Variants in GPAM observed in about 807,000 individuals in gnomAD.
GPAM encodes the protein glycerol-3-phosphate acyltransferase, mitochondrial.
In GPAM, 56 loss-of-function variants were observed where a neutral mutation model predicts 105.0. The ratio of observed to expected loss-of-function variants is 0.53; its 90% confidence interval spans 0.43 to 0.67. The LOEUF (loss-of-function observed/expected upper bound fraction) is 0.67. Among genes scored for constraint, GPAM ranks in the 30% least tolerant of loss-of-function variants. The pLI, the probability that GPAM is intolerant of heterozygous loss-of-function variation, is 0.00. For missense variants in GPAM, 855 were observed against 989.8 expected, an observed-to-expected ratio of 0.86 and a Z score of 1.83; for synonymous variants, 368 against 354.4, an observed-to-expected ratio of 1.04 and a Z score of -0.43.
intron 1 of GPAM, among the ~76,000 whole-genome samples, chr10:112,203,141 ACACT>A (rs887457910): frequency 2.0e-5 from 3 of 152,276 alleles, no homozygotes; most frequent in Middle Eastern, 3.4e-3. Flanking sequence ...AAGCAGTGAA[ACACT>A]CAGTCTCCTC....
intron 8 of GPAM, 47 bp downstream of exon 8, chr10:112,172,923 C>A: frequency 1.0e-6 from 1 of 1,002,402 alleles, no homozygotes; most frequent in East Asian, 2.4e-5. Context: ...TAAAACCACT[C>A]TACAATTGAG....
intron 14 of GPAM, among the ~76,000 whole-genome samples, chr10:112,163,462 T>C (rs1189529736): frequency 6.6e-6 from 1 of 152,158 alleles, no homozygotes; most frequent in Non-Finnish European, 1.5e-5. Flanking sequence ...ATAACTATTT[T>C]TAAAAAGTAC....
chr10:112,186,514 AT>A (rs2133277276), upstream of GPAM, among the ~76,000 whole-genome samples: 1 of 151,792 alleles, frequency 6.6e-6, no homozygotes, highest in East Asian at 1.9e-4. Flanking sequence ...AATTTTTCTT[AT>A]TTTTTAAACC....
At chr10:112,160,907 C>A (rs746431212) in intron 15 of GPAM, 39 bp from the exon 16 acceptor site, 8 of 1,590,368 alleles carry the variant, frequency 5.0e-6, no homozygotes, top group Admixed American at 5.0e-5. Context: ...TGGTGGAAAA[C>A]CTACTTTCCA....
chr10:112,194,610 G>A (rs1266370421), intron 1 of GPAM, among the ~76,000 whole-genome samples: 2 of 152,142 alleles, frequency 1.3e-5, no homozygotes, highest in Admixed American at 6.5e-5. Flanking sequence ...AGATCCTAAG[G>A]TGGACTAGAT....
At chr10:112,184,051 G>A (rs1262065739), upstream of GPAM, among the ~76,000 whole-genome samples, 2 of 152,298 alleles carry the variant, frequency 1.3e-5, no homozygotes, top group Middle Eastern at 3.4e-3. Flanking sequence ...GCTCTGTTGG[G>A]AATGTGCGCG....
chr10:112,153,992 G>A (rs548213818), intron 21 of GPAM: 5 of 308,392 alleles, frequency 1.6e-5, no homozygotes, highest in Admixed American at 4.7e-5. Flanking sequence ...ACAAAAGGCC[G>A]CTAGTATCTC....
chr10:112,215,838 A>G (rs1847961693), upstream of GPAM, among the ~76,000 whole-genome samples: 1 of 152,116 alleles, frequency 6.6e-6, no homozygotes, highest in Non-Finnish European at 1.5e-5. Flanking sequence ...TTGTGGAGAG[A>G]TGTTGGAGAT....
At chr10:112,213,556 G>C (rs982811552) in intron 1 of GPAM, among the ~76,000 whole-genome samples, 2 of 152,178 alleles carry the variant, frequency 1.3e-5, no homozygotes, top group African/African-American at 4.8e-5. Flanking sequence ...TCTGGTGGGG[G>C]CAATGGATCA....
At chr10:112,164,001 GTTAT>G (rs1847171138) in intron 13 of GPAM, among the ~76,000 whole-genome samples, 185 bp from the exon 14 acceptor site, 1 of 152,072 alleles carries the variant, frequency 6.6e-6, no homozygotes, top group African/African-American at 2.4e-5. Flanking sequence ...GCCAAAACAT[GTTAT>G]TTAGTTATGA....
chr10:112,184,996 G>A (rs1847574693), upstream of GPAM, among the ~76,000 whole-genome samples: 1 of 152,182 alleles, frequency 6.6e-6, no homozygotes, highest in Non-Finnish European at 1.5e-5. Flanking sequence ...CTCCCACAAG[G>A]CAGAGTAGAA....
In GPAM at chr10:112,150,359, G is replaced by GT; in HGVS notation, c.*3190dup. 1.0e-6 allele frequency: 1 copy of GT among 984,560 alleles called. No individual in the cohort carries two copies. Among genetic ancestry groups the GT allele is most frequent in the Non-Finnish European group, 1.2e-6 (1 of 828,836 alleles). The allele number at this position is 984,560 out of a possible 1,614,324, so 61.0% of individuals were successfully genotyped here. ...CCAATTCATCCATGTATTCTGATAC[G>GT]TTCAGTGAAAAAGCCAGGATCATTG... On this transcript the variant is annotated 3_prime_UTR_variant, in exon 22 of 22. Coordinates refer to ENST00000348367, the MANE Select transcript of GPAM (RefSeq NM_001244949.2).
chr10:112,152,737 A>G lies in GPAM; in HGVS notation c.*813T>C. The stretch of plus-strand genomic sequence containing the variant: ...GGTGGACGAGGTACAGACATAAAAC[A>G]GGAAGGGTTCTAAATATATTTGCTG... On this transcript the variant is annotated 3_prime_UTR_variant, in exon 22 of 22. Transcript: ENST00000348367. The G allele has an allele frequency of 1.0e-6, 1 of 966,428 alleles. No individual in the cohort carries two copies. Among genetic ancestry groups the G allele is most frequent in the South Asian group, 4.8e-5 (1 of 20,928 alleles). 59.9% of individuals were successfully genotyped at this position (966,428 alleles called of 1,614,324 possible).
In GPAM at chr10:112,180,592, C is replaced by G; in HGVS notation, c.106G>C (p.Glu36Gln). The G allele has an allele frequency of 4.4e-6, 7 of 1,608,516 alleles. No individual in the cohort carries two copies. The highest frequency in any genetic ancestry group is 1.3e-5 in the African/African-American group (1 of 74,852). The change falls in exon 4 of 22, where the codon GAG (glutamate) becomes CAG (glutamine). Residue 36 changes from glutamate to glutamine, a missense_variant. Glu to Gln is a conservative substitution (Grantham distance 29). Coordinates refer to ENST00000348367, the MANE Select transcript of GPAM (RefSeq NM_001244949.2). ...RCKHTSEEWG[E>Q]CGFRPTIFRS... ...AAGATGGTGGGTCTAAAGCCACACTCACCCTGACAAATATTAAGAAAAAAA... is the reference window on the plus strand; with the variant it reads ...AAGATGGTGGGTCTAAAGCCACACTGACCCTGACAAATATTAAGAAAAAAA...
At chr10:112,171,866 A>G (rs1326718519) in intron 9 of GPAM, among the ~76,000 whole-genome samples, 1 of 152,038 alleles carries the variant, frequency 6.6e-6, no homozygotes, top group Non-Finnish European at 1.5e-5. Flanking sequence ...ACAACTCCCT[A>G]CTGCTGAGCC....
intron 4 of GPAM, among the ~76,000 whole-genome samples, chr10:112,179,931 GAT>G (rs1157497319): frequency 1.3e-5 from 2 of 151,946 alleles, no homozygotes; most frequent in African/African-American, 4.8e-5. Context: ...TAATGCAAAA[GAT>G]ATTGCATGGC....
At position 112,152,729 on chromosome 10, in the gene GPAM, C is replaced by A. The variant is rs1846942466; in HGVS notation, c.*821G>T. On this transcript the variant is annotated 3_prime_UTR_variant, in exon 22 of 22. Transcript: ENST00000348367. ...ACCTGAGGGGTGGACGAGGTACAGA[C>A]ATAAAACAGGAAGGGTTCTAAATAT... 2.0e-6 allele frequency: 2 copies of A among 976,504 alleles called. No individual in the cohort carries two copies. The highest frequency in any genetic ancestry group is 1.2e-4 in the Admixed American group (2 of 16,248). The allele number at this position is 976,504 out of a possible 1,614,324, so 60.5% of individuals were successfully genotyped here.
At chr10:112,158,768 A>C (rs1027200362) in intron 17 of GPAM, among the ~76,000 whole-genome samples, 4 of 152,206 alleles carry the variant, frequency 2.6e-5, no homozygotes, top group Non-Finnish European at 5.9e-5. Flanking sequence ...ATCTTATAAT[A>C]AATACTGTAC....
intron 17 of GPAM, among the ~76,000 whole-genome samples, chr10:112,158,739 C>T (rs370962811): frequency 1.3e-5 from 2 of 152,136 alleles, no homozygotes; most frequent in African/African-American, 4.8e-5. Context: ...CTTTATAAGA[C>T]AATTTCTCTG....
Sources: gnomAD v4.1 joint callset for allele counts (sites outside exome capture counted in the v4.1 genomes callset) on GRCh38, gnomAD v4.1.1 for gene constraint, MANE v1.5 for transcripts, NCBI Gene and HGNC (gene_info 2026-07-23, HGNC 2026-07-21) for gene names.